The following GTF2F1 variants were observed in gnomAD, a reference collection of about 807,000 sequenced individuals.
GTF2F1 encodes general transcription factor IIF subunit 1.
GTF2F1 carries 39 observed loss-of-function variants against 63.5 expected under a neutral mutation model. That is an observed-to-expected ratio of 0.61 (90% CI 0.48 to 0.80). GTF2F1 has a LOEUF of 0.80. GTF2F1 is among the 30% of genes least tolerant of loss of function. The pLI is 0.00. For synonymous variants in GTF2F1, 287 were observed against 285.3 expected (o/e 1.01, Z -0.06); for missense variants, 657 against 718.3 (o/e 0.91, Z 0.97).
intron 4 of GTF2F1, among the ~76,000 whole-genome samples, chr19:6,387,849 A>C (rs2091979717): frequency 6.6e-6 from 1 of 150,692 alleles, no homozygotes; most frequent in Admixed American, 6.6e-5. Flanking sequence ...CAAACTGTCT[A>C]CATTTGCCTC....
Position 6,381,742 on chromosome 19 carries a change from C to T in GTF2F1, c.791G>A (p.Gly264Glu). The change falls in exon 7 of 13, where the codon GGG (glycine) becomes GAG (glutamate). Residue 264 changes from glycine to glutamate, a missense_variant. By Grantham distance (98) the Gly-to-Glu change is moderately conservative. Around this residue, in one of 2 missense-constraint regions of GTF2F1, gnomAD observed 602 missense variants for 625.6 expected, o/e 0.96. Coordinates refer to ENST00000394456, the MANE Select transcript of GTF2F1 (RefSeq NM_002096.3). The surrounding 1 kb of genome is among the most constrained non-coding windows in gnomAD (Gnocchi z 4.1). Reference sequence around the variant, plus strand: ...GTCCACCTCTTGGCCCTCGAAGTCCCCATCATCGCTGTCCTCGAAGGCCTC... The same window carrying T: ...GTCCACCTCTTGGCCCTCGAAGTCCTCATCATCGCTGTCCTCGAAGGCCTC... Reference protein sequence around the residue: ...DDEAFEDSDDGDFEGQEVDYM... With the variant: ...DDEAFEDSDDEDFEGQEVDYM... 1 of 1,614,190 alleles carries T rather than the reference C, an allele frequency of 6.2e-7. No individual in the cohort carries two copies. The highest frequency in any genetic ancestry group is 8.5e-7 in the Non-Finnish European group (1 of 1,180,038).
chr19:6,386,923 CT>C, intron 5 of GTF2F1: 1 of 172,106 alleles, frequency 5.8e-6, no homozygotes, highest in Non-Finnish European at 1.2e-5. Context: ...ACCAAGTGCT[CT>C]GGGCCCCCAG....
In GTF2F1 at chr19:6,380,292, G is replaced by A. The variant is rs1422564157; in HGVS notation, c.1543C>T (p.Leu515Phe). 1 of 1,613,968 alleles carries A rather than the reference G, an allele frequency of 6.2e-7. No homozygotes were observed. Among genetic ancestry groups the A allele is most frequent in the East Asian group, 2.2e-5 (1 of 44,868 alleles). ...KMINDKMHFS[L>F]KE ...TATTGGACCAAGCCTCACTCCTTGAGGGAGAAGTGCATTTTGTCGTTGATC... is the reference window on the plus strand; with the variant it reads ...TATTGGACCAAGCCTCACTCCTTGAAGGAGAAGTGCATTTTGTCGTTGATC... The change falls in exon 13 of 13, where the codon CTC (leucine) becomes TTC (phenylalanine). Residue 515 changes from leucine (L) to phenylalanine (F), a missense_variant. Around this residue, in one of 2 missense-constraint regions of GTF2F1, gnomAD observed 55 missense variants for 92.6 expected, o/e 0.59. Transcript: ENST00000394456. This position sits in a 1 kb window ranked among gnomAD's most constrained non-coding sequence, Gnocchi z 5.3.
chr19:6,386,885 C>T (rs745740696), intron 5 of GTF2F1: 47 of 159,246 alleles, frequency 3.0e-4, no homozygotes, highest in Non-Finnish European at 5.6e-4. Flanking sequence ...GGTGGCCCTA[C>T]GGTCTCATCC....
At position 6,380,821 on chromosome 19, in the gene GTF2F1, A is replaced by G. The variant is rs2091944275; in HGVS notation, c.1231+83T>C. On this transcript the variant is annotated intron_variant, in intron 11 of 12. Coordinates refer to ENST00000394456, the MANE Select transcript of GTF2F1 (RefSeq NM_002096.3). This position sits in a 1 kb window ranked among gnomAD's most constrained non-coding sequence, Gnocchi z 5.3. The stretch of plus-strand genomic sequence containing the variant: ...GAGACAGGCCTCCACCCGCATCTCC[A>G]TCCCCTCTCTGTCCTGAGCCCCAAC... 1 of 1,503,186 alleles carries G rather than the reference A, an allele frequency of 6.7e-7. No homozygotes were observed. The highest frequency in any genetic ancestry group is 8.9e-7 in the Non-Finnish European group (1 of 1,121,392). 93.1% of individuals were successfully genotyped at this position (1,503,186 alleles called of 1,614,324 possible).
rs186956038 is a variant in GTF2F1 at position 6,383,039 on chromosome 19, C to A, written c.682+272G>T. 6.6e-6 allele frequency among the ~76,000 whole-genome samples: 1 copy of A among 152,266 alleles called. No individual in the cohort carries two copies. The highest frequency in any genetic ancestry group is 1.5e-5 in the Non-Finnish European group (1 of 68,018). On this transcript the variant is annotated intron_variant, in intron 6 of 12. Transcript: ENST00000394456. This position sits in a 1 kb window ranked among gnomAD's most constrained non-coding sequence, Gnocchi z 4.5. The stretch of plus-strand genomic sequence containing the variant: ...GCCTCAGTCTCCCGAGTAGCTGGCA[C>A]TAGAGGCATGCACCACCATGCCCAG...
rs748753385 is a variant in GTF2F1, at chr19:6,383,413, T to TCTCCTC, written c.574_579dup (p.Glu192_Glu193dup). On this transcript the variant is annotated inframe_insertion, in exon 6 of 13. Transcript: ENST00000394456. This position sits in a 1 kb window ranked among gnomAD's most constrained non-coding sequence, Gnocchi z 4.5. ...GCCTTCCTGCGGCCACGTTTCTCCT[T>TCTCCTC]CTCCTCCTCATCCTCGTCCTGGTCC... 1.9e-6 allele frequency: 3 copies of TCTCCTC among 1,614,128 alleles called. No individual in the cohort carries two copies. The highest frequency in any genetic ancestry group is 2.5e-6 in the Non-Finnish European group (3 of 1,180,008).
Position 6,383,088 on chromosome 19 carries a change from G to C in GTF2F1, c.682+223C>G, listed in dbSNP as rs760742241. Among the ~76,000 whole-genome samples, 34 of 152,180 alleles carry C rather than the reference G, an allele frequency of 2.2e-4. No homozygotes were observed. The highest frequency in any genetic ancestry group is 4.4e-4 in the Non-Finnish European group (30 of 68,028). The stretch of plus-strand genomic sequence containing the variant: ...AGCTAATTTTTGTGTTTTCAGTAGA[G>C]ACACGGTCTCACTGTGTTGGCCAGG... On this transcript the variant is annotated intron_variant, in intron 6 of 12. Transcript: ENST00000394456. The surrounding 1 kb of genome is among the most constrained non-coding windows in gnomAD (Gnocchi z 4.5).
At chr19:6,391,478 G>T (rs113564648) in intron 3 of GTF2F1, among the ~76,000 whole-genome samples, 76 of 138,660 alleles carry the variant, frequency 5.5e-4, no homozygotes, top group African/African-American at 1.8e-3. Context: ...TTTGAGGCAG[G>T]GTCTTGCTCT....
chr19:6,383,470 T>C lies in GTF2F1; in HGVS notation c.523A>G (p.Ser175Gly). 1 of 1,614,074 alleles carries C rather than the reference T, an allele frequency of 6.2e-7. No individual in the cohort carries two copies. The highest frequency in any genetic ancestry group is 8.5e-7 in the Non-Finnish European group (1 of 1,180,040). ...ERRNKVLNHF[S>G]IMQQRRLKDQ... The stretch of plus-strand genomic sequence containing the variant: ...TTGAGCCGCCGCTGCTGCATGATGC[T>C]GAAGTGGTTCAGCACCTTGTTCCTC... The change falls in exon 6 of 13, where the codon AGC (serine) becomes GGC (glycine). Residue 175 changes from serine (S) to glycine (G), a missense_variant. Coordinates refer to ENST00000394456, the MANE Select transcript of GTF2F1 (RefSeq NM_002096.3). This position sits in a 1 kb window ranked among gnomAD's most constrained non-coding sequence, Gnocchi z 4.5.
intron 5 of GTF2F1, among the ~76,000 whole-genome samples, chr19:6,384,698 G>T: frequency 6.6e-6 from 1 of 152,154 alleles, no homozygotes; most frequent in Non-Finnish European, 1.5e-5. Context: ...GGGAGGGGAG[G>T]CCGAGGCTGG....
chr19:6,385,395 C>CAAAAAA (rs10602439), intron 5 of GTF2F1, among the ~76,000 whole-genome samples: 1 of 37,972 alleles, frequency 2.6e-5, no homozygotes, highest in African/African-American at 6.9e-5. Flanking sequence ...GAGACTGTCT[C>CAAAAAA]AAAAAAAAAA....
Position 6,383,242 on chromosome 19 carries a change from G to A in GTF2F1, c.682+69C>T. On this transcript the variant is annotated intron_variant, in intron 6 of 12. Transcript: ENST00000394456. The surrounding 1 kb of genome is among the most constrained non-coding windows in gnomAD (Gnocchi z 4.5). ...TCTAGGGCCACTGTGAGCGATGGTA[G>A]ACTTTGCCTTCACTGGCACTGCCTG... The A allele has an allele frequency of 6.6e-7, 1 of 1,509,602 alleles. No individual in the cohort carries two copies. Among genetic ancestry groups the A allele is most frequent in the South Asian group, 1.2e-5 (1 of 86,508 alleles). The allele number at this position is 1,509,602 out of a possible 1,614,324, so 93.5% of individuals were successfully genotyped here.
At position 6,380,253 on chromosome 19, in the gene GTF2F1, G is replaced by T; in HGVS notation, c.*28C>A. ...GGGCAGTGAGAGCCTTAAGTTCTGG[G>T]GGGCAGAGCCATGTATTGGACCAAG... is the stretch of plus-strand genomic sequence containing the variant. On this transcript the variant is annotated 3_prime_UTR_variant, in exon 13 of 13. Transcript: ENST00000394456. The surrounding 1 kb of genome is among the most constrained non-coding windows in gnomAD (Gnocchi z 5.3). The T allele has an allele frequency of 6.3e-7, 1 of 1,583,076 alleles. No individual in the cohort carries two copies.
chr19:6,383,318 A>G lies in GTF2F1; in HGVS notation c.675T>C (p.Gly225=). The change falls in exon 6 of 13, where the codon GGT becomes GGC. Residue 225 remains glycine, a synonymous_variant. Transcript: ENST00000394456. The surrounding 1 kb of genome is among the most constrained non-coding windows in gnomAD (Gnocchi z 4.5). The part of the protein sequence containing the change: ...EMSSDASDAS[G]EEGGRVPKAK... ...CCAGGCGCCCGTACTCACCCTCCTC[A>G]CCACTGGCATCACTGGCATCGGACG... 1 of 1,613,484 alleles carries G rather than the reference A, an allele frequency of 6.2e-7. No individual in the cohort carries two copies. The highest frequency in any genetic ancestry group is 8.5e-7 in the Non-Finnish European group (1 of 1,179,896).
rs988440410 is a variant in GTF2F1, at chr19:6,381,612, G to A, written c.840C>T (p.Ser280=). 23 of 1,613,806 alleles carry A rather than the reference G, an allele frequency of 1.4e-5. No homozygotes were observed. The highest frequency in any genetic ancestry group is 1.9e-5 in the Non-Finnish European group (23 of 1,180,030). ...CCTTGCTCTCAGGCTCTTCTTGGGA[G>A]CTACTGTAAGACGGGGATGGCAAAG... The part of the protein sequence containing the change: ...EVDYMSDGSS[S]SQEEPESKAK... Residue 280 remains serine (S), a synonymous_variant, in exon 8 of 13, where the codon AGC becomes AGT. Transcript: ENST00000394456. The surrounding 1 kb of genome is among the most constrained non-coding windows in gnomAD (Gnocchi z 4.1).
rs1184034480 is a variant in GTF2F1, at chr19:6,381,025, G to A, written c.1110C>T (p.Pro370=). The part of the protein sequence containing the change: ...ALFMAKKKTP[P]KRERKPSGGS... ...CTCCCGACGGCTTCCGCTCTCTCTT[G>A]GGTGGCGTCTTCTTCTTCTGCAGAG... is the stretch of plus-strand genomic sequence containing the variant. Residue 370 remains proline, a synonymous_variant, in exon 11 of 13, where the codon CCC becomes CCT. Transcript: ENST00000394456. This position sits in a 1 kb window ranked among gnomAD's most constrained non-coding sequence, Gnocchi z 4.1. 1 of 1,611,880 alleles carries A rather than the reference G, an allele frequency of 6.2e-7. No individual in the cohort carries two copies. Among genetic ancestry groups the A allele is most frequent in the Non-Finnish European group, 8.5e-7 (1 of 1,179,174 alleles).
At chr19:6,389,684 G>T in intron 3 of GTF2F1, 47 bp from the exon 4 acceptor site, 1 of 1,559,652 alleles carries the variant, frequency 6.4e-7, no homozygotes. Context: ...GGCTTTGCTT[G>T]CGCAGTGCCC....
chr19:6,389,522 T>C lies in GTF2F1; in HGVS notation c.248A>G (p.Lys83Arg). The C allele has an allele frequency of 6.2e-7, 1 of 1,614,242 alleles. No homozygotes were observed. The highest frequency in any genetic ancestry group is 8.5e-7 in the Non-Finnish European group (1 of 1,180,028). The change falls in exon 4 of 13, where the codon AAG becomes AGG. Residue 83 changes from lysine to arginine, a missense_variant. By Grantham distance (26) the Lys-to-Arg change is conservative. Transcript: ENST00000394456. ...RKLREEARRK[K>R]YGIVLKEFRP... The stretch of plus-strand genomic sequence containing the variant: ...GAACTCCTTGAGGACGATGCCGTAC[T>C]TCTTCCTCCGAGCCTCCTCCCGAAG...
Sources: allele counts gnomAD v4.1 joint callset (sites outside exome capture counted in the v4.1 genomes callset), GRCh38; gene constraint gnomAD v4.1.1; regional missense constraint gnomAD v4.1.1; non-coding constraint Gnocchi (gnomAD v3.1); transcripts MANE v1.5; gene names NCBI Gene and HGNC (gene_info 2026-07-23, HGNC 2026-07-21).